Variants in MAPK10 observed in about 807,000 individuals in gnomAD.
The protein encoded by MAPK10 is mitogen-activated protein kinase 10.
In MAPK10, 25 loss-of-function variants were observed where a neutral mutation model predicts 59.3. The observed-to-expected ratio is 0.42, with a 90% CI of 0.31 to 0.59. MAPK10 has a LOEUF of 0.59. MAPK10 is among the 20% of genes least tolerant of loss of function. The pLI is 0.15. For synonymous variants in MAPK10, 190 were observed against 200.5 expected (o/e 0.95, Z 0.44); for missense variants, 351 against 568.9 (o/e 0.62, Z 3.90).
chr4:86,191,513 C>G (rs1182125128), intron 3 of MAPK10: 1 of 64,530 alleles, frequency 1.5e-5, no homozygotes, highest in East Asian at 7.6e-4. Context: ...CTTTCTTTGT[C>G]TTTTTTGATC....
intron 11 of MAPK10, among the ~76,000 whole-genome samples, chr4:86,063,887 T>A (rs1180832339): frequency 2.0e-5 from 3 of 151,972 alleles, no homozygotes; most frequent in Admixed American, 1.3e-4. Context: ...GTGGCAGGTA[T>A]CTTTTCAAAA....
intron 1 of MAPK10, among the ~76,000 whole-genome samples, chr4:86,449,805 G>A (rs188800265): frequency 6.6e-6 from 1 of 152,328 alleles, no homozygotes; most frequent in East Asian, 1.9e-4. Context: ...GAAGACTGGA[G>A]GACAAAATTT....
chr4:86,234,813 G>C (rs531043598), intron 2 of MAPK10, among the ~76,000 whole-genome samples: 1 of 152,124 alleles, frequency 6.6e-6, no homozygotes, highest in Admixed American at 6.5e-5. Flanking sequence ...TATAATATTA[G>C]ACTTAAATCA....
At chr4:86,285,529 T>C (rs2094971824) in intron 2 of MAPK10, among the ~76,000 whole-genome samples, 1 of 152,128 alleles carries the variant, frequency 6.6e-6, no homozygotes, top group South Asian at 2.1e-4. Context: ...AAAACACTTC[T>C]AAGATGTCTT....
intron 1 of MAPK10, among the ~76,000 whole-genome samples, chr4:86,528,124 C>A (rs918197458): frequency 1.3e-5 from 2 of 152,100 alleles, no homozygotes; most frequent in Non-Finnish European, 2.9e-5. Context: ...TGTAACAAAC[C>A]TGTGCTTGTG....
intron 7 of MAPK10, 81 bp downstream of exon 7, chr4:86,101,812 GC>G (rs2055453300): frequency 2.1e-6 from 3 of 1,401,748 alleles, no homozygotes; most frequent in Admixed American, 1.8e-5. Context: ...TTTGACCAAT[GC>G]CCCCCGTATA....
intron 2 of MAPK10, among the ~76,000 whole-genome samples, chr4:86,228,486 C>T (rs778972133): frequency 6.6e-6 from 1 of 152,132 alleles, no homozygotes; most frequent in Non-Finnish European, 1.5e-5. Context: ...TATACTTCTA[C>T]TTTTTAACTT....
chr4:86,421,621 G>A (rs970647982), intron 1 of MAPK10, among the ~76,000 whole-genome samples: 6 of 152,118 alleles, frequency 3.9e-5, no homozygotes, highest in African/African-American at 1.4e-4. Context: ...GGCTGCTCCA[G>A]GCACAGGGAA....
Position 86,437,076 on chromosome 4 carries a change from T to C in MAPK10, c.-122+15954A>G, listed in dbSNP as rs1184882731. Among the ~76,000 whole-genome samples, 3 of 152,114 alleles carry C rather than the reference T, an allele frequency of 2.0e-5. No individual in the cohort carries two copies. In the East Asian group the frequency reaches 5.8e-4, roughly 29 times the overall value. On this transcript the variant is annotated intron_variant, in intron 1 of 13. Coordinates refer to the MAPK10 transcript ENST00000361569. ...AAATGCAAAAAAAATAAGCCAGGCG[T>C]GGTGGCAGGCACCTGTAGTCCCAGC...
chr4:86,593,908 AC>A lies in MAPK10; in HGVS notation c.-263+1del, dbSNP rs1298349328. On this transcript the variant is annotated splice_donor_variant, in intron 1 of 4. Coordinates refer to the MAPK10 transcript ENST00000502302. LOFTEE classifies it low-confidence loss of function (5UTR_SPLICE). ...AAGAGTAAGGGAGGAGCCAGCACTT[AC>A]GCATTTTTCACTCTCCTCCTCACTC... The A allele has an allele frequency of 1.3e-5, 2 of 152,164 alleles. No individual in the cohort carries two copies. Among genetic ancestry groups the A allele is most frequent in the Non-Finnish European group, 2.9e-5 (2 of 68,052 alleles). 9.4% of individuals were successfully genotyped at this position (152,164 alleles called of 1,614,324 possible). A position where few individuals can be genotyped will look rare whatever the true frequency, so the allele number is the denominator to read the frequency against.
At chr4:86,357,952 T>C in intron 1 of MAPK10, 1 of 345,174 alleles carries the variant, frequency 2.9e-6, no homozygotes, top group East Asian at 1.7e-4. Flanking sequence ...ACACCACCTT[T>C]GTCATCTGAT....
intron 1 of MAPK10, among the ~76,000 whole-genome samples, chr4:86,468,853 CA>C (rs1175489978): frequency 3.4e-5 from 5 of 146,130 alleles, no homozygotes; most frequent in Admixed American, 2.0e-4. Context: ...GACTCCATCT[CA>C]AAAAAAAAGA....
At chr4:86,172,684 C>A (rs925427573) in intron 3 of MAPK10, among the ~76,000 whole-genome samples, 1 of 150,840 alleles carries the variant, frequency 6.6e-6, no homozygotes, top group Non-Finnish European at 1.5e-5. Context: ...TGTAACTAAC[C>A]TGCACATTGT....
intron 2 of MAPK10, among the ~76,000 whole-genome samples, chr4:86,286,482 A>C (rs1293836013): frequency 6.6e-6 from 1 of 152,208 alleles, no homozygotes; most frequent in East Asian, 1.9e-4. Context: ...TGTTCTAAGC[A>C]CTTTATATTA....
intron 3 of MAPK10, among the ~76,000 whole-genome samples, chr4:86,179,458 C>T (rs1262899124): frequency 1.3e-5 from 2 of 151,950 alleles, no homozygotes; most frequent in African/African-American, 2.4e-5. Flanking sequence ...CAATGTAACG[C>T]CTACCAAAAT....
chr4:86,025,075 G>C (rs139860123), intron 13 of MAPK10: 1 of 153,786 alleles, frequency 6.5e-6, no homozygotes, highest in African/African-American at 2.4e-5. Context: ...ACCGTGCACT[G>C]TCTATGGTGT....
At chr4:86,117,757 G>A (rs890971058) in intron 4 of MAPK10, 5 of 152,168 alleles carry the variant, frequency 3.3e-5, no homozygotes, top group Admixed American at 6.5e-5. Flanking sequence ...TTCTTCCAAA[G>A]CAATAATTCA....
At chr4:86,476,328 C>T (rs1753087782) in intron 1 of MAPK10, among the ~76,000 whole-genome samples, 5 of 152,186 alleles carry the variant, frequency 3.3e-5, no homozygotes, top group Admixed American at 2.0e-4. Context: ...GTCCAGCTTA[C>T]AGTTTCGTTC....
chr4:86,274,206 A>G (rs1017201523), intron 2 of MAPK10, among the ~76,000 whole-genome samples: 2 of 152,038 alleles, frequency 1.3e-5, no homozygotes, highest in Non-Finnish European at 2.9e-5. Flanking sequence ...ATAAGATATT[A>G]ATGTCATATG....
Sources: gnomAD v4.1 joint callset for allele counts (sites outside exome capture counted in the v4.1 genomes callset) on GRCh38, gnomAD v4.1.1 for gene constraint, MANE v1.5 for transcripts, NCBI Gene and HGNC (gene_info 2026-07-23, HGNC 2026-07-21) for gene names.